Variants in TEKT3 observed in about 807,000 individuals in gnomAD.
TEKT3 encodes the protein tektin 3.
TEKT3 carries 49 observed loss-of-function variants against 49.8 expected under a neutral mutation model. The ratio of observed to expected loss-of-function variants is 0.98; its 90% confidence interval spans 0.78 to 1.25. TEKT3 has a LOEUF of 1.25. Ranked by LOEUF, TEKT3 falls within the 50% of genes most tolerant of loss-of-function variation. The pLI, the probability that TEKT3 is intolerant of heterozygous loss-of-function variation, is 0.00. For synonymous variants in TEKT3, 225 were observed against 237.2 expected (o/e 0.95, Z 0.47); for missense variants, 595 against 629.5 (o/e 0.95, Z 0.59).
chr17:15,330,202 T>C (rs1911662075), intron 3 of TEKT3, among the ~76,000 whole-genome samples: 2 of 152,242 alleles, frequency 1.3e-5, no homozygotes, highest in Admixed American at 1.3e-4. Context: ...CGTTTCATGA[T>C]ACAGACTAAA....
chr17:15,314,983 G>T (rs1228015281), intron 5 of TEKT3, among the ~76,000 whole-genome samples: 2 of 152,132 alleles, frequency 1.3e-5, no homozygotes, highest in African/African-American at 4.8e-5. Flanking sequence ...AGACCCTGGG[G>T]GCAGGCATAG....
intron 8 of TEKT3, among the ~76,000 whole-genome samples, chr17:15,307,749 G>A (rs759462695): frequency 5.3e-5 from 8 of 152,102 alleles, no homozygotes; most frequent in Admixed American, 1.3e-4. Flanking sequence ...TGGAGTTCAC[G>A]CACTGCCCTT....
chr17:15,327,901 C>G (rs556946474), intron 4 of TEKT3, 91 bp downstream of exon 4: 1 of 1,105,828 alleles, frequency 9.0e-7, no homozygotes, highest in Non-Finnish European at 1.4e-6. Context: ...ACTTATAAGT[C>G]ATTTTATGTA....
intron 5 of TEKT3, among the ~76,000 whole-genome samples, chr17:15,316,902 C>T (rs528729449): frequency 2.1e-4 from 32 of 152,284 alleles, no homozygotes; most frequent in Non-Finnish European, 3.4e-4. Flanking sequence ...TCTGCTTGGA[C>T]AGGCATTTAA....
At chr17:15,322,425 A>C (rs867636846) in intron 4 of TEKT3, among the ~76,000 whole-genome samples, 1 of 152,130 alleles carries the variant, frequency 6.6e-6, no homozygotes, top group East Asian at 1.9e-4. Flanking sequence ...AGGTCTCGTA[A>C]TATTGTAACA....
chr17:15,321,013 A>ATTT (rs10695008), intron 4 of TEKT3, among the ~76,000 whole-genome samples: 13,100 of 145,432 alleles, frequency 0.09, 1,509 homozygotes, highest in African/African-American at 0.26. Context: ...TACAACAATA[A>ATTT]TTTTTTTTTT....
chr17:15,331,631 A>T lies in TEKT3; in HGVS notation c.-29-17T>A. 6.5e-7 allele frequency: 1 copy of T among 1,528,020 alleles called. No homozygotes were observed. 94.7% of individuals were successfully genotyped at this position (1,528,020 alleles called of 1,614,324 possible). A position where few individuals can be genotyped will look rare whatever the true frequency, so the allele number is the denominator to read the frequency against. On this transcript the variant is annotated splice_polypyrimidine_tract_variant and intron_variant, in intron 2 of 8. Transcript: ENST00000395930. The stretch of plus-strand genomic sequence containing the variant: ...AAATCTCTCCTGTTAAAAAATAAAA[A>T]GTAAAATAAGACAGTCACATAAAAT...
chr17:15,330,406 C>T (rs956825971), intron 3 of TEKT3, among the ~76,000 whole-genome samples: 8 of 152,066 alleles, frequency 5.3e-5, no homozygotes, highest in Non-Finnish European at 1.2e-4. Context: ...GTAGATCCTT[C>T]ATGAATGGTT....
At chr17:15,327,745 A>C (rs1911549989) in intron 4 of TEKT3, 1 of 412,092 alleles carries the variant, frequency 2.4e-6, no homozygotes, top group South Asian at 5.4e-5. Flanking sequence ...CTCCAAAATT[A>C]ATAGTGATTT....
intron 2 of TEKT3, among the ~76,000 whole-genome samples, chr17:15,336,103 TACACAC>T (rs58983355): frequency 3.4e-5 from 5 of 149,126 alleles, no homozygotes; most frequent in Non-Finnish European, 6.0e-5. Flanking sequence ...ACTCCAAGAA[TACACAC>T]ACACACACAC....
upstream of TEKT3, among the ~76,000 whole-genome samples, chr17:15,342,112 T>C (rs1912254378): frequency 6.6e-6 from 1 of 152,194 alleles, no homozygotes; most frequent in African/African-American, 2.4e-5. Flanking sequence ...TCCCTCTCTC[T>C]CTTCAGCAAA....
At chr17:15,306,089 A>ATGTGTGTGTGTGTG (rs58688985) in intron 8 of TEKT3, among the ~76,000 whole-genome samples, 59 of 144,312 alleles carry the variant, frequency 4.1e-4, no homozygotes, top group Non-Finnish European at 6.2e-4. Flanking sequence ...ATTTATATAT[A>ATGTGTGTGTGTGTG]TGTGTGTGTG....
At chr17:15,332,527 C>T (rs548664493) in intron 2 of TEKT3, among the ~76,000 whole-genome samples, 4 of 152,280 alleles carry the variant, frequency 2.6e-5, no homozygotes, top group African/African-American at 9.6e-5. Flanking sequence ...CCCCTGCCCC[C>T]ACAAGTCATC....
rs183975746 is a variant in TEKT3 at position 15,323,803 on chromosome 17, T to C, written c.663+4189A>G. Among the ~76,000 whole-genome samples the C allele has an allele frequency of 1.3e-4, 20 of 152,320 alleles. No homozygotes were observed. In the East Asian group the frequency reaches 3.9e-3, roughly 29 times the overall value. ...CTCAATTCATGAACCATTACTCTAA[T>C]TGCACATTCAGTTTTTTGAGATAAA... On this transcript the variant is annotated intron_variant, in intron 4 of 8. Transcript: ENST00000395930.
At chr17:15,312,549 T>C in intron 6 of TEKT3, 68 bp from the exon 7 acceptor site, 1 of 1,410,606 alleles carries the variant, frequency 7.1e-7, no homozygotes, top group Non-Finnish European at 9.9e-7. Context: ...CGCTAGGCAA[T>C]CATTTATCCT....
chr17:15,318,012 C>T (rs1415963978), intron 5 of TEKT3, among the ~76,000 whole-genome samples: 12 of 122,112 alleles, frequency 9.8e-5, no homozygotes, highest in South Asian at 2.6e-4. Context: ...TTTTTTGAGA[C>T]GGAGTCTCGC....
At chr17:15,328,643 T>A (rs1040948810) in intron 3 of TEKT3, among the ~76,000 whole-genome samples, 15 of 152,194 alleles carry the variant, frequency 9.9e-5, no homozygotes, top group African/African-American at 3.4e-4. Flanking sequence ...CTATTACTAC[T>A]TTGTTCGTCT....
rs1372655186 is a variant in TEKT3, at chr17:15,304,067, G to C, written c.1342C>G (p.Leu448Val). Residue 448 changes from leucine to valine, a missense_variant, in exon 9 of 9, where the codon CTG becomes GTG. By Grantham distance (32) the Leu-to-Val change is conservative. Transcript: ENST00000395930. The surrounding 1 kb of genome is among the most constrained non-coding windows in gnomAD (Gnocchi z 4.7). ...LRDAEDTLQS[L>V]VHIKATLEYD... is the part of the protein sequence containing the mutation. ...TCGAGTGTGGCTTTGATGTGGACCA[G>C]CGACTGCAGGGTGTCCTCTGCATCC... 3.1e-6 allele frequency: 5 copies of C among 1,614,048 alleles called. No individual in the cohort carries two copies. The highest frequency in any genetic ancestry group is 4.2e-6 in the Non-Finnish European group (5 of 1,180,028).
intron 7 of TEKT3, among the ~76,000 whole-genome samples, 176 bp downstream of exon 7, chr17:15,312,082 CT>C (rs1256117827): frequency 6.6e-6 from 1 of 152,128 alleles, no homozygotes; most frequent in Non-Finnish European, 1.5e-5. Flanking sequence ...ATTTTGACAC[CT>C]GGCTACCTGG....
Sources: allele counts gnomAD v4.1 joint callset (sites outside exome capture counted in the v4.1 genomes callset), GRCh38; gene constraint gnomAD v4.1.1; non-coding constraint Gnocchi (gnomAD v3.1); transcripts MANE v1.5; gene names NCBI Gene and HGNC (gene_info 2026-07-23, HGNC 2026-07-21).